INO80: variants seen among roughly 807,000 people sequenced by gnomAD.
INO80 encodes INO80 complex ATPase subunit, also known as chromatin-remodeling ATPase INO80.
A neutral mutation model predicts 203.4 loss-of-function variants in INO80; 20 were observed. That is an observed-to-expected ratio of 0.10 (90% CI 0.07 to 0.14). INO80 has a LOEUF of 0.14. INO80 is among the 10% of genes least tolerant of loss of function. The pLI, the probability that INO80 is intolerant of heterozygous loss-of-function variation, is 1.00. For missense variants in INO80, 1,419 were observed against 1,914.4 expected, an observed-to-expected ratio of 0.74 and a Z score of 4.83; for synonymous variants, 726 against 685.2, an observed-to-expected ratio of 1.06 and a Z score of -0.93.
intron 5 of INO80, among the ~76,000 whole-genome samples, chr15:41,089,863 A>G (rs1415776253): frequency 2.0e-5 from 3 of 152,344 alleles, no homozygotes; most frequent in African/African-American, 7.2e-5. Context: ...AGAGAGAAAC[A>G]CTACACCCAA....
intron 13 of INO80, 138 bp downstream of exon 13, chr15:41,070,329 A>T (rs1314334531): frequency 5.0e-5 from 37 of 740,456 alleles, no homozygotes; most frequent in Non-Finnish European, 7.9e-5. Flanking sequence ...GTCCCCTTAT[A>T]AAGCTCTGAG....
intron 27 of INO80, among the ~76,000 whole-genome samples, chr15:41,006,005 GTCATCAACCAGA>G (rs1454288688): frequency 6.9e-6 from 1 of 144,480 alleles, no homozygotes; most frequent in Non-Finnish European, 1.5e-5. Context: ...TAGTTTTTCA[GTCATCAACCAGA>G]TATCTTTCAC....
At chr15:41,072,500 C>A (rs1466533365) in intron 11 of INO80, among the ~76,000 whole-genome samples, 9 of 151,618 alleles carry the variant, frequency 5.9e-5, no homozygotes, top group Non-Finnish European at 2.9e-5. Context: ...GCGGGCGGAT[C>A]ACGAGGTCAG....
chr15:41,038,858 T>TCA (rs2044623268), intron 24 of INO80, among the ~76,000 whole-genome samples: 2 of 152,190 alleles, frequency 1.3e-5, no homozygotes, highest in Non-Finnish European at 2.9e-5. Context: ...ATGACTCTGG[T>TCA]AATTTAGCAG....
intron 27 of INO80, among the ~76,000 whole-genome samples, chr15:41,007,219 G>C (rs901434298): frequency 8.3e-6 from 1 of 120,422 alleles, no homozygotes; most frequent in Admixed American, 1.2e-4. Context: ...TGTCTTGCTC[G>C]TCACCCAAGC....
At position 41,059,763 on chromosome 15, in the gene INO80, T is replaced by C; in HGVS notation, c.1842+104A>G. Reference sequence around the variant, plus strand: ...AACTTGATCAGTGTCCAGAAATATATAATAGATAAGAAGATTTTTGTCTAA... The same window carrying C: ...AACTTGATCAGTGTCCAGAAATATACAATAGATAAGAAGATTTTTGTCTAA... On this transcript the variant is annotated intron_variant, in intron 15 of 35. Coordinates refer to ENST00000648947, the MANE Select transcript of INO80 (RefSeq NM_017553.3). 3 of 721,982 alleles carry C rather than the reference T, an allele frequency of 4.2e-6. No individual in the cohort carries two copies. The South Asian group carries it at 6.7e-5, about 16-fold the overall frequency. The allele number at this position is 721,982 out of a possible 1,614,324, so 44.7% of individuals were successfully genotyped here. A position where few individuals can be genotyped will look rare whatever the true frequency, so the allele number is the denominator to read the frequency against.
In INO80 at chr15:41,071,991, C is replaced by T; in HGVS notation, c.1463G>A (p.Gly488Asp). The T allele has an allele frequency of 6.2e-7, 1 of 1,613,160 alleles. No individual in the cohort carries two copies. The highest frequency in any genetic ancestry group is 8.5e-7 in the Non-Finnish European group (1 of 1,179,720). Residue 488 changes from glycine to aspartate, a missense_variant, in exon 12 of 36, where the codon GGC (glycine) becomes GAC (aspartate). Coordinates refer to ENST00000648947, the MANE Select transcript of INO80 (RefSeq NM_017553.3). Reference protein sequence around the residue: ...AAALRAANKSGTGFGESYSLA... With the variant: ...AAALRAANKSDTGFGESYSLA... ...GCTATAACTCTCCCCAAACCCAGTG[C>T]CAGACTTGTTTGCTGCCCGTAGGGC...
intron 1 of INO80, among the ~76,000 whole-genome samples, chr15:41,103,475 C>G (rs2045837793): frequency 6.6e-6 from 1 of 152,144 alleles, no homozygotes; most frequent in South Asian, 2.1e-4. Flanking sequence ...CTGCAACCTC[C>G]GCCTCCCTGG....
intron 27 of INO80, among the ~76,000 whole-genome samples, chr15:41,010,987 T>C (rs2044126755): frequency 6.6e-6 from 1 of 152,232 alleles, no homozygotes; most frequent in South Asian, 2.1e-4. Context: ...GAGTTAAATA[T>C]GACAGCCGTA....
chr15:41,000,706 CAAAAAAAAAAAA>C (rs58232890), intron 28 of INO80, among the ~76,000 whole-genome samples: 2 of 56,826 alleles, frequency 3.5e-5, no homozygotes, highest in African/African-American at 1.2e-4. Flanking sequence ...CACCCTGTCT[CAAAAAAAAAAAA>C]AAAAAAAAAA....
intron 28 of INO80, chr15:41,004,785 T>A (rs1355674812): frequency 6.6e-6 from 1 of 152,178 alleles, no homozygotes; most frequent in Non-Finnish European, 1.5e-5. Context: ...CAATTTGTCA[T>A]AAGGCACTGT....
At chr15:41,046,392 A>C (rs2044768137) in intron 23 of INO80, among the ~76,000 whole-genome samples, 1 of 147,726 alleles carries the variant, frequency 6.8e-6, no homozygotes, top group South Asian at 2.2e-4. Context: ...ATGCCTGGCT[A>C]ATTTTTGTGT....
Position 41,058,716 on chromosome 15 carries a change from C to G in INO80, c.1908G>C (p.Gln636His), listed in dbSNP as rs755331910. 1 of 1,614,028 alleles carries G rather than the reference C, an allele frequency of 6.2e-7. No homozygotes were observed. The highest frequency in any genetic ancestry group is 8.5e-7 in the Non-Finnish European group (1 of 1,179,980). ...TGACCCGCTGGAAATACTTTACATC[C>G]TGCACCACCAGCTGATAGCTGGTAA... ...VVITSYQLVV[Q>H]DVKYFQRVKW... The change falls in exon 16 of 36, where the codon CAG becomes CAC. Residue 636 changes from glutamine to histidine, a missense_variant. Around this residue, in one of 9 missense-constraint regions of INO80, gnomAD observed 192 missense variants for 406.7 expected, o/e 0.47. Transcript: ENST00000648947.
chr15:41,082,809 G>A (rs149716177), intron 7 of INO80, among the ~76,000 whole-genome samples: 26 of 152,178 alleles, frequency 1.7e-4, no homozygotes, highest in African/African-American at 6.0e-4. Flanking sequence ...GCTTGAGCCT[G>A]GGAGATCAAC....
At chr15:41,084,033 C>T (rs989755790) in intron 7 of INO80, among the ~76,000 whole-genome samples, 4 of 152,072 alleles carry the variant, frequency 2.6e-5, no homozygotes, top group Non-Finnish European at 5.9e-5. Context: ...CAACTTTTCT[C>T]AATTCATAAA....
intron 14 of INO80, among the ~76,000 whole-genome samples, chr15:41,063,838 A>C (rs1237641157): frequency 6.6e-6 from 1 of 152,208 alleles, no homozygotes; most frequent in Non-Finnish European, 1.5e-5. Flanking sequence ...CCATGTAAAA[A>C]TTAAGCAAAG....
At chr15:41,094,588 C>T (rs1351735238) in intron 4 of INO80, among the ~76,000 whole-genome samples, 1 of 152,146 alleles carries the variant, frequency 6.6e-6, no homozygotes, top group Non-Finnish European at 1.5e-5. Context: ...TGCACTAAAT[C>T]AACATCTGTT....
intron 1 of INO80, among the ~76,000 whole-genome samples, chr15:41,104,661 C>T (rs1184745090): frequency 2.0e-5 from 3 of 152,206 alleles, no homozygotes; most frequent in South Asian, 2.1e-4. Context: ...CCTCAGTCTT[C>T]CGAGTAGCTG....
chr15:41,061,706 T>C (rs1039109942), intron 14 of INO80, among the ~76,000 whole-genome samples: 4 of 151,684 alleles, frequency 2.6e-5, no homozygotes, highest in African/African-American at 9.7e-5. Flanking sequence ...AAAAACAAGA[T>C]AGAGAATTTC....
Sources: allele counts gnomAD v4.1 joint callset (sites outside exome capture counted in the v4.1 genomes callset), GRCh38; gene constraint gnomAD v4.1.1; regional missense constraint gnomAD v4.1.1; transcripts MANE v1.5; gene names NCBI Gene and HGNC (gene_info 2026-07-23, HGNC 2026-07-21).